RARB: variants seen among roughly 807,000 people sequenced by gnomAD.
RARB encodes the protein HBV-activated protein.
In RARB, 17 loss-of-function variants were observed where a neutral mutation model predicts 51.9. The observed-to-expected ratio is 0.33, with a 90% CI of 0.22 to 0.49. RARB has a LOEUF of 0.49. RARB is among the 20% of genes least tolerant of loss of function. RARB has a pLI of 0.99. For missense variants in RARB, 369 were observed against 550.8 expected (o/e 0.67, Z 3.30); for synonymous variants, 215 against 195.4 (o/e 1.10, Z -0.84).
intron 5 of RARB, among the ~76,000 whole-genome samples, chr3:25,410,154 A>T (rs1057057887): frequency 6.6e-6 from 1 of 152,188 alleles, no homozygotes; most frequent in Non-Finnish European, 1.5e-5. Flanking sequence ...TGATAACAGG[A>T]CAACAGAGTG....
At chr3:25,137,607 C>G (rs1013878956) in intron 4 of RARB, among the ~76,000 whole-genome samples, 2 of 152,048 alleles carry the variant, frequency 1.3e-5, no homozygotes, top group African/African-American at 4.8e-5. Flanking sequence ...ATTATAATCA[C>G]TCTTATTGAA....
chr3:25,496,022 T>C (rs1287985916), intron 2 of RARB, among the ~76,000 whole-genome samples: 1 of 152,224 alleles, frequency 6.6e-6, no homozygotes. Context: ...TGTCTGCTAC[T>C]AACAGCTGAG....
At chr3:25,225,211 T>C (rs1702030114) in intron 5 of RARB, among the ~76,000 whole-genome samples, 1 of 152,124 alleles carries the variant, frequency 6.6e-6, no homozygotes, top group South Asian at 2.1e-4. Context: ...AGGAATAAAA[T>C]ACTCTGATAG....
In RARB at chr3:25,475,548, G is replaced by T. The variant is rs527569066; in HGVS notation, c.306+14207G>T. Among the ~76,000 whole-genome samples, 5 of 152,214 alleles carry T rather than the reference G, an allele frequency of 3.3e-5. No homozygotes were observed. In the East Asian group the frequency reaches 9.6e-4, roughly 29 times the overall value. ...TATAAAACAGAATTTATATAGGAAA[G>T]AAAAAATAACAGAAAAATTTTGGGG... On this transcript the variant is annotated intron_variant, in intron 2 of 7. Transcript: ENST00000330688.
chr3:25,334,668 T>G (rs1705010909), intron 5 of RARB, among the ~76,000 whole-genome samples: 1 of 152,038 alleles, frequency 6.6e-6, no homozygotes, highest in Non-Finnish European at 1.5e-5. Context: ...CCCTAGAACT[T>G]AAAGTGTAAT....
At chr3:25,471,381 G>A (rs952758249) in intron 2 of RARB, among the ~76,000 whole-genome samples, 1 of 152,182 alleles carries the variant, frequency 6.6e-6, no homozygotes, top group African/African-American at 2.4e-5. Flanking sequence ...CCTCCATATC[G>A]AGGAACCTCA....
chr3:25,080,894 C>T (rs1698981008), intron 3 of RARB, among the ~76,000 whole-genome samples: 1 of 151,878 alleles, frequency 6.6e-6, no homozygotes, highest in African/African-American at 2.4e-5. Flanking sequence ...TCCAATATAC[C>T]TATTTTTACT....
At chr3:25,005,717 C>T (rs997847138) in intron 2 of RARB, among the ~76,000 whole-genome samples, 4 of 152,096 alleles carry the variant, frequency 2.6e-5, no homozygotes, top group Non-Finnish European at 5.9e-5. Flanking sequence ...CTACTCGAAG[C>T]GGAAATCAAT....
intron 2 of RARB, among the ~76,000 whole-genome samples, chr3:25,485,809 A>G (rs1167263282): frequency 1.3e-5 from 2 of 152,192 alleles, no homozygotes; most frequent in Non-Finnish European, 1.5e-5. Flanking sequence ...GAGGCAGAGC[A>G]TTCCTGGCTG....
chr3:24,839,616 G>A (rs1702392436), intron 1 of RARB, among the ~76,000 whole-genome samples: 1 of 150,258 alleles, frequency 6.7e-6, no homozygotes, highest in South Asian at 2.1e-4. Context: ...GCTGAGGTGG[G>A]GGGATCTCTT....
At chr3:25,475,410 G>GA (rs1553620432) in intron 2 of RARB, among the ~76,000 whole-genome samples, 17 of 151,906 alleles carry the variant, frequency 1.1e-4, no homozygotes, top group African/African-American at 3.4e-4. Context: ...AAGGGGGGGG[G>GA]ATCCCCTGCA....
intron 5 of RARB, among the ~76,000 whole-genome samples, chr3:25,313,542 T>G (rs1704342658): frequency 6.6e-6 from 1 of 152,194 alleles, no homozygotes; most frequent in South Asian, 2.1e-4. Context: ...TTTTGCAAGC[T>G]CTTTAATATA....
At chr3:25,322,792 A>T (rs1263167241) in intron 5 of RARB, among the ~76,000 whole-genome samples, 1 of 152,232 alleles carries the variant, frequency 6.6e-6, no homozygotes, top group Non-Finnish European at 1.5e-5. Flanking sequence ...ACAAGAGCAC[A>T]TAAGCACAGA....
intron 5 of RARB, among the ~76,000 whole-genome samples, chr3:25,418,134 A>G (rs1394811858): frequency 6.6e-6 from 1 of 152,226 alleles, no homozygotes; most frequent in Non-Finnish European, 1.5e-5. Context: ...GGCCACACCT[A>G]GCTGCGAAGG....
intron 5 of RARB, among the ~76,000 whole-genome samples, chr3:25,231,436 A>T (rs977167969): frequency 4.6e-5 from 7 of 152,136 alleles, no homozygotes; most frequent in African/African-American, 1.7e-4. Context: ...AAATCCTTAT[A>T]GACCTTTAGC....
At chr3:25,400,224 C>T (rs533697723) in intron 5 of RARB, among the ~76,000 whole-genome samples, 2 of 152,276 alleles carry the variant, frequency 1.3e-5, no homozygotes, top group Admixed American at 6.5e-5. Flanking sequence ...GAGAAGGACA[C>T]TTCCTTCTCC....
chr3:25,540,666 C>A (rs1468424900), intron 3 of RARB, among the ~76,000 whole-genome samples: 1 of 152,130 alleles, frequency 6.6e-6, no homozygotes, highest in Admixed American at 6.5e-5. Flanking sequence ...ACATAGGCAC[C>A]AAGAAATAGT....
At chr3:25,041,538 A>G (rs1447559980) in intron 2 of RARB, among the ~76,000 whole-genome samples, 36 of 130,664 alleles carry the variant, frequency 2.8e-4, no homozygotes, top group Admixed American at 6.6e-4. Flanking sequence ...GACATTTGGG[A>G]AAAAAAAAAA....
chr3:25,588,759 G>A (rs1286969556), intron 5 of RARB, among the ~76,000 whole-genome samples: 1 of 152,154 alleles, frequency 6.6e-6, no homozygotes, highest in African/African-American at 2.4e-5. Flanking sequence ...GCTGGTTATT[G>A]ATGGGAGGAC....
Sources: allele counts gnomAD v4.1 joint callset (sites outside exome capture counted in the v4.1 genomes callset), GRCh38; gene constraint gnomAD v4.1.1; transcripts MANE v1.5; gene names NCBI Gene and HGNC (gene_info 2026-07-23, HGNC 2026-07-21).